NADK: variants seen among roughly 807,000 people sequenced by gnomAD.
The protein encoded by NADK is poly(P)/ATP NAD kinase.
NADK carries 22 observed loss-of-function variants against 49.8 expected under a neutral mutation model. The ratio of observed to expected loss-of-function variants is 0.44; its 90% CI spans 0.32 to 0.63. NADK has a LOEUF of 0.63. NADK is among the 30% of genes least tolerant of loss of function. The pLI is 0.06. For synonymous variants in NADK, 268 were observed against 253.7 expected, an observed-to-expected ratio of 1.06 and a Z score of -0.54; for missense variants, 438 against 609.4, an observed-to-expected ratio of 0.72 and a Z score of 2.96.
At chr1:1,773,431 G>A (rs927657030) in intron 1 of NADK, among the ~76,000 whole-genome samples, 19 of 148,584 alleles carry the variant, frequency 1.3e-4, no homozygotes, top group East Asian at 2.2e-4. Context: ...GTGAGCCACC[G>A]CACCCAGCCA....
At chr1:1,758,453 G>A (rs748314706) in intron 3 of NADK, 1 of 1,612,236 alleles carries the variant, frequency 6.2e-7, no homozygotes, top group African/African-American at 1.3e-5. Context: ...TGGCTCGCGA[G>A]GTAGCCCCTG....
chr1:1,764,594 T>C lies in NADK; in HGVS notation c.179+634A>G, dbSNP rs1252059240. On this transcript the variant is annotated intron_variant, in intron 2 of 11. Coordinates refer to ENST00000341426, the MANE Select transcript of NADK (RefSeq NM_023018.5). ...AGAGGGATGTCCCCTCACACCCCAG[T>C]GACTTCTGTAGAGCAAATGTTTCCA... Among the ~76,000 whole-genome samples the C allele has an allele frequency of 3.9e-5, 6 of 152,164 alleles. No homozygotes were observed. In the East Asian group the frequency reaches 1.2e-3, roughly 29 times the overall value.
At chr1:1,764,692 A>C (rs375770567) in intron 2 of NADK, among the ~76,000 whole-genome samples, 68 of 152,332 alleles carry the variant, frequency 4.5e-4, no homozygotes, top group African/African-American at 1.6e-3. Context: ...ACCTGACGTC[A>C]GGGGTTCAAG....
In NADK at chr1:1,753,618, G is replaced by A. The variant is rs1645404489; in HGVS notation, c.1133C>T (p.Ala378Val). 1.9e-6 allele frequency: 3 copies of A among 1,612,522 alleles called. No individual in the cohort carries two copies. The highest frequency in any genetic ancestry group is 2.5e-6 in the Non-Finnish European group (3 of 1,179,254). The change falls in exon 11 of 12, where the codon GCA becomes GTA. Residue 378 changes from alanine (A) to valine (V), a missense_variant. Transcript: ENST00000341426. ...CTTCCGTCCATCAAAGGACACCCAT[G>A]CTGTGTTCCTTGCTTCAGGTGACAG... ...IMLSPEARNT[A>V]WVSFDGRKRQ...
intron 1 of NADK, among the ~76,000 whole-genome samples, chr1:1,767,774 A>C (rs1221790746): frequency 6.6e-6 from 1 of 152,132 alleles, no homozygotes; most frequent in East Asian, 1.9e-4. Flanking sequence ...TTGGCTTCCC[A>C]AAGTGCTTGG....
rs1443744784 is a variant in NADK at position 1,765,219 on chromosome 1, C to T, written c.179+9G>A. 5 of 1,569,446 alleles carry T rather than the reference C, an allele frequency of 3.2e-6. No individual in the cohort carries two copies. The highest frequency in any genetic ancestry group is 2.3e-5 in the East Asian group (1 of 43,812). On this transcript the variant is annotated intron_variant, in intron 2 of 11. Transcript: ENST00000341426. Reference sequence around the variant, plus strand: ...GAAAAAAAAGAGGAACCATCCCTCCCAGTTGTACCTGAACTCCTTGGTGCT... The same window carrying T: ...GAAAAAAAAGAGGAACCATCCCTCCTAGTTGTACCTGAACTCCTTGGTGCT...
intron 1 of NADK, among the ~76,000 whole-genome samples, chr1:1,774,721 A>G (rs7531583): frequency 0.67 from 101,487 of 151,968 alleles, 35,579 homozygotes; most frequent in Non-Finnish European, 0.77. Flanking sequence ...CACTTAATTC[A>G]TTTGTTTGAT....
intron 1 of NADK, among the ~76,000 whole-genome samples, chr1:1,766,854 A>C (rs1490315588): frequency 6.6e-6 from 1 of 150,960 alleles, no homozygotes; most frequent in East Asian, 1.9e-4. Context: ...TGATCCTCCC[A>C]ACTCAGCCTC....
intron 3 of NADK, among the ~76,000 whole-genome samples, chr1:1,760,146 A>G (rs1182537963): frequency 6.6e-6 from 1 of 152,202 alleles, no homozygotes; most frequent in Non-Finnish European, 1.5e-5. Flanking sequence ...CTGCTTGGAT[A>G]TTTTGGGATC....
intron 4 of NADK, chr1:1,756,842 G>C: frequency 3.5e-6 from 3 of 861,464 alleles, no homozygotes; most frequent in Non-Finnish European, 5.9e-6. Flanking sequence ...GTTATTTCAG[G>C]AGTGGCTTTC....
intron 1 of NADK, among the ~76,000 whole-genome samples, chr1:1,766,584 C>T (rs1009517886): frequency 3.3e-5 from 5 of 151,976 alleles, no homozygotes; most frequent in African/African-American, 4.8e-5. Flanking sequence ...TGCCTTGCAT[C>T]GTGAATTCAG....
intron 1 of NADK, among the ~76,000 whole-genome samples, chr1:1,771,171 T>G (rs1284992710): frequency 6.7e-6 from 1 of 150,338 alleles, no homozygotes; most frequent in Non-Finnish European, 1.5e-5. Flanking sequence ...ATAAAATATG[T>G]GGGGATATAT....
In NADK at chr1:1,765,440, C is replaced by T. The variant is rs187212022; in HGVS notation, c.-34G>A. On this transcript the variant is annotated 5_prime_UTR_variant, in exon 2 of 12. It adds an upstream start codon to the 5' untranslated region. Coordinates refer to ENST00000341426, the MANE Select transcript of NADK (RefSeq NM_023018.5). Reference sequence around the variant, plus strand: ...AATGAGAACTTCGGTCAGAAAAACACTGATGCCTTAATTTAATAAAATAAA... The same window carrying T: ...AATGAGAACTTCGGTCAGAAAAACATTGATGCCTTAATTTAATAAAATAAA... 0.013 allele frequency: 18,094 copies of T among 1,431,840 alleles called. 133 individuals are homozygous for T. Among genetic ancestry groups the T allele is most frequent in the Middle Eastern group, 0.022 (122 of 5,528 alleles). 88.7% of individuals were successfully genotyped at this position (1,431,840 alleles called of 1,614,324 possible).
chr1:1,753,824 C>G (rs1245072269), intron 10 of NADK, among the ~76,000 whole-genome samples, 175 bp from the exon 11 acceptor site: 1 of 152,206 alleles, frequency 6.6e-6, no homozygotes, highest in South Asian at 2.1e-4. Context: ...CAGAGACCAA[C>G]AATGGCAGAA....
At chr1:1,778,557 C>G (rs910587451), upstream of NADK, 2 of 151,216 alleles carry the variant, frequency 1.3e-5, no homozygotes, top group African/African-American at 2.4e-5. This position sits in a 1 kb window ranked among gnomAD's most constrained non-coding sequence, Gnocchi z 4.9. Context: ...CCGGGACACC[C>G]CGCGCGGGCG....
At position 1,756,273 on chromosome 1, in the gene NADK, A is replaced by G. The variant is rs890456954; in HGVS notation, c.570T>C (p.Ala190=). 1 of 1,614,000 alleles carries G rather than the reference A, an allele frequency of 6.2e-7. No homozygotes were observed. Among genetic ancestry groups the G allele is most frequent in the Non-Finnish European group, 8.5e-7 (1 of 1,179,996 alleles). The change falls in exon 6 of 12, where the codon GCT becomes GCC. Residue 190 remains alanine (A), a synonymous_variant. Coordinates refer to ENST00000341426, the MANE Select transcript of NADK (RefSeq NM_023018.5). ...CLGGDGTLLY[A]SSLFQGSVPP... ...AGCGCTTCACCTGGAAAAGCGAGGA[A>G]GCGTACAGCAGCGTCCCGTCTCCCC...
chr1:1,770,181 AG>A lies in NADK; in HGVS notation c.-40-4736del, dbSNP rs1288524288. On this transcript the variant is annotated intron_variant, in intron 1 of 11. Coordinates refer to ENST00000341426, the MANE Select transcript of NADK (RefSeq NM_023018.5). ...AGAGTGAGACTCTGCCTCAATAAAAAGAAAAAAGAAAAAAAGAAAAAAAAAC... is the reference window on the plus strand; with the variant it reads ...AGAGTGAGACTCTGCCTCAATAAAAAAAAAAAGAAAAAAAGAAAAAAAAAC... Among the ~76,000 whole-genome samples the A allele has an allele frequency of 1.3e-4, 19 of 151,842 alleles. 1 individual carries two copies. The highest frequency in any genetic ancestry group is 3.3e-4 in the Admixed American group (5 of 15,242).
At chr1:1,757,854 C>G (rs929593594) in intron 3 of NADK, among the ~76,000 whole-genome samples, 1 of 152,130 alleles carries the variant, frequency 6.6e-6, no homozygotes, top group African/African-American at 2.4e-5. Flanking sequence ...CCTGCATGAA[C>G]GGACTTTAAC....
At chr1:1,776,135 A>G (rs1646203832) in intron 1 of NADK, among the ~76,000 whole-genome samples, 1 of 152,122 alleles carries the variant, frequency 6.6e-6, no homozygotes. Flanking sequence ...CGAGTCCCGC[A>G]AACACCCACC....
Sources: gnomAD v4.1 joint callset for allele counts (sites outside exome capture counted in the v4.1 genomes callset) on GRCh38, gnomAD v4.1.1 for gene constraint, Gnocchi (gnomAD v3.1) non-coding constraint, MANE v1.5 for transcripts, NCBI Gene and HGNC (gene_info 2026-07-23, HGNC 2026-07-21) for gene names.